The following AKAP9 variants were observed in gnomAD, a reference collection of about 807,000 sequenced individuals.
AKAP9 encodes the protein A-kinase anchoring protein 9.
A neutral mutation model predicts 488.5 loss-of-function variants in AKAP9; 311 were observed. The ratio of observed to expected loss-of-function variants is 0.64; its 90% CI spans 0.58 to 0.70. The LOEUF (loss-of-function observed/expected upper bound fraction) is 0.70, where lower values mean the gene tolerates loss of function less well. AKAP9 is among the 30% of genes least tolerant of loss of function. AKAP9 has a pLI of 0.00. For synonymous variants in AKAP9, 1,462 were observed against 1,483.5 expected (o/e 0.99, Z 0.33); for missense variants, 4,215 against 4,374.5 (o/e 0.96, Z 1.03).
chr7:92,087,612 C>T (rs1468675942), intron 37 of AKAP9, among the ~76,000 whole-genome samples: 1 of 151,688 alleles, frequency 6.6e-6, no homozygotes, highest in Non-Finnish European at 1.5e-5. Flanking sequence ...ATATATTCTC[C>T]ACTGAAAAGA....
At chr7:92,061,219 C>T (rs1466866185) in intron 22 of AKAP9, 41 bp from the exon 23 acceptor site, 2 of 1,604,660 alleles carry the variant, frequency 1.2e-6, no homozygotes, top group East Asian at 4.5e-5. Context: ...AGTATTTCCA[C>T]ACTTTATTTT....
intron 1 of AKAP9, among the ~76,000 whole-genome samples, chr7:91,962,205 T>C (rs1380092121): frequency 6.6e-6 from 1 of 152,188 alleles, no homozygotes; most frequent in Non-Finnish European, 1.5e-5. Context: ...TGAGAGTAAA[T>C]AGCTTAAATA....
chr7:92,055,466 A>G (rs1267069509), intron 22 of AKAP9, among the ~76,000 whole-genome samples: 1 of 152,086 alleles, frequency 6.6e-6, no homozygotes, highest in Admixed American at 6.6e-5. Context: ...GAGAGCAACA[A>G]AAGTGTTTTA....
chr7:92,101,238 C>T (rs1584564293), intron 45 of AKAP9, among the ~76,000 whole-genome samples, 182 bp downstream of exon 45: 1 of 152,094 alleles, frequency 6.6e-6, no homozygotes, highest in East Asian at 1.9e-4. Flanking sequence ...AGATCAAGAC[C>T]ATCCTGGCTA....
Position 92,002,201 on chromosome 7 carries a change from A to G in AKAP9, c.2284A>G (p.Lys762Glu), listed in dbSNP as rs776287498. Residue 762 changes from lysine to glutamate, a missense_variant, in exon 8 of 50, where the codon AAA (lysine) becomes GAA (glutamate). This residue lies in a region of AKAP9 where 2,361 missense variants were observed against 2,430.0 expected (regional missense o/e 0.97). Transcript: ENST00000356239. ...TELLEKQMKE[K>E]ENDLQEKFAQ... ...ATTGTTAGAAAAACAGATGAAGGAA[A>G]AAGAGAATGATCTTCAAGAAAAATT... The G allele has an allele frequency of 3.8e-6, 6 of 1,591,920 alleles. No individual in the cohort carries two copies. The highest frequency in any genetic ancestry group is 5.1e-6 in the Non-Finnish European group (6 of 1,174,368).
At chr7:92,059,202 A>C (rs948611877) in intron 22 of AKAP9, among the ~76,000 whole-genome samples, 1 of 151,928 alleles carries the variant, frequency 6.6e-6, no homozygotes, top group Admixed American at 6.6e-5. Context: ...TGTACTTTTA[A>C]TGTAATAAGT....
intron 3 of AKAP9, among the ~76,000 whole-genome samples, chr7:91,981,658 G>A (rs901017270): frequency 6.9e-6 from 1 of 145,762 alleles, no homozygotes; most frequent in African/African-American, 2.6e-5. Flanking sequence ...TGCCCAGACT[G>A]GAGTGCAGTG....
intron 1 of AKAP9, among the ~76,000 whole-genome samples, chr7:91,967,333 G>A (rs1375622575): frequency 6.6e-6 from 1 of 152,006 alleles, no homozygotes; most frequent in African/African-American, 2.4e-5. Flanking sequence ...AGTTGCTGTG[G>A]CCAGGACTTC....
chr7:92,108,472 G>A (rs765124123), intron 48 of AKAP9, 22 bp from the exon 49 acceptor site: 1 of 1,612,910 alleles, frequency 6.2e-7, no homozygotes, highest in African/African-American at 1.3e-5. Flanking sequence ...CTTGATTCAT[G>A]TACATATTTT....
Position 92,093,213 on chromosome 7 carries a change from A to ATGG in AKAP9, c.9480_9482dup (p.Val3161dup). Reference sequence around the variant, plus strand: ...GCAGGAGCAGCTGAGTTCTGAGAAAATGGTGGTTGCTGAACTGAAGAGTGA... The same window carrying ATGG: ...GCAGGAGCAGCTGAGTTCTGAGAAAATGGTGGTGGTTGCTGAACTGAAGAGTGA... On this transcript the variant is annotated inframe_insertion, in exon 39 of 50. Coordinates refer to ENST00000356239, the MANE Select transcript of AKAP9 (RefSeq NM_005751.5). 1 of 1,614,152 alleles carries ATGG rather than the reference A, an allele frequency of 6.2e-7. No homozygotes were observed. The highest frequency in any genetic ancestry group is 8.5e-7 in the Non-Finnish European group (1 of 1,180,012).
rs906395966 is a variant in AKAP9, at chr7:92,000,887, A to G, written c.970A>G (p.Ile324Val). 12 of 1,424,478 alleles carry G rather than the reference A, an allele frequency of 8.4e-6. No individual in the cohort carries two copies. The African/African-American group carries it at 1.5e-4, about 17-fold the overall frequency. The allele number at this position is 1,424,478 out of a possible 1,614,324, so 88.2% of individuals were successfully genotyped here. The change falls in exon 8 of 50, where the codon ATA becomes GTA. Residue 324 changes from isoleucine (I) to valine (V), a missense_variant. Transcript: ENST00000356239. ...KKVENSNKEE[I>V]QEKETIIEEL... Reference sequence around the variant, plus strand: ...AGTAGAAAACTCAAATAAAGAAGAAATACAGGAAAAGGAGACAATCATTGA... The same window carrying G: ...AGTAGAAAACTCAAATAAAGAAGAAGTACAGGAAAAGGAGACAATCATTGA...
Position 92,003,693 on chromosome 7 carries a change from A to G in AKAP9, c.3318+458A>G, listed in dbSNP as rs148476211. ...TCTATAGTTGTTAGGTGGTTATGAA[A>G]TTATATTTTCCTGGGAGAAAAAAAA... On this transcript the variant is annotated intron_variant, in intron 8 of 49. Coordinates refer to ENST00000356239, the MANE Select transcript of AKAP9 (RefSeq NM_005751.5). 3.3e-4 allele frequency among the ~76,000 whole-genome samples: 50 copies of G among 152,146 alleles called. No individual in the cohort carries two copies. In the East Asian group the frequency reaches 8.7e-3, roughly 26 times the overall value.
At chr7:92,018,328 G>C (rs1801803962) in intron 12 of AKAP9, among the ~76,000 whole-genome samples, 1 of 151,702 alleles carries the variant, frequency 6.6e-6, no homozygotes, top group African/African-American at 2.4e-5. Flanking sequence ...GAGGCTGCAT[G>C]AGCTATGATT....
At chr7:92,037,021 C>T (rs988042582) in intron 16 of AKAP9, among the ~76,000 whole-genome samples, 8 of 152,114 alleles carry the variant, frequency 5.3e-5, no homozygotes, top group African/African-American at 1.9e-4. Flanking sequence ...GGTGCTTGAG[C>T]TCTGTATAGA....
intron 24 of AKAP9, among the ~76,000 whole-genome samples, chr7:92,062,728 C>T (rs1810101624): frequency 6.6e-6 from 1 of 151,686 alleles, no homozygotes; most frequent in Non-Finnish European, 1.5e-5. Flanking sequence ...CTTCATTTAT[C>T]CTCAAACTTC....
intron 2 of AKAP9, among the ~76,000 whole-genome samples, chr7:91,975,079 T>C (rs1016935888): frequency 6.6e-5 from 10 of 152,166 alleles, no homozygotes; most frequent in Non-Finnish European, 1.3e-4. Context: ...CTCAAACTCC[T>C]GAGCTCAGGA....
chr7:92,025,000 A>G (rs1802896740), intron 14 of AKAP9, among the ~76,000 whole-genome samples: 1 of 152,098 alleles, frequency 6.6e-6, no homozygotes, highest in Admixed American at 6.5e-5. Flanking sequence ...TAATTTTTTT[A>G]ATTACTTACA....
rs1474828432 is a variant in AKAP9 at position 92,045,220 on chromosome 7, G to C, written c.5368+7G>C. The stretch of plus-strand genomic sequence containing the variant: ...CATGAGGAACATACAAGAGGTACTA[G>C]TTTTCTGTGTTGTGGAAACAATCAT... On this transcript the variant is annotated splice_region_variant and intron_variant, in intron 21 of 49. Transcript: ENST00000356239. 1.9e-6 allele frequency: 3 copies of C among 1,612,232 alleles called. No individual in the cohort carries two copies. Among genetic ancestry groups the C allele is most frequent in the Non-Finnish European group, 1.7e-6 (2 of 1,178,440 alleles).
At chr7:91,947,151 G>A (rs1374159819) in intron 1 of AKAP9, among the ~76,000 whole-genome samples, 1 of 138,102 alleles carries the variant, frequency 7.2e-6, no homozygotes, top group Non-Finnish European at 1.5e-5. Context: ...GTGGTTTGGT[G>A]TCTGGGGTGT....
Sources: gnomAD v4.1 joint callset for allele counts (sites outside exome capture counted in the v4.1 genomes callset) on GRCh38, gnomAD v4.1.1 for gene constraint, gnomAD v4.1.1 regional missense constraint, MANE v1.5 for transcripts, NCBI Gene and HGNC (gene_info 2026-07-23, HGNC 2026-07-21) for gene names.